The following CRHR1 variants were observed in gnomAD, a reference collection of about 807,000 sequenced individuals.
The protein encoded by CRHR1 is corticotropin releasing hormone receptor 1, also known as corticotropin-releasing hormone receptor 1.
In CRHR1, 28 loss-of-function variants were observed where a neutral mutation model predicts 56.0. That is an observed-to-expected ratio of 0.50 (90% CI 0.37 to 0.69). CRHR1 has a LOEUF of 0.69. CRHR1 is among the 30% of genes least tolerant of loss of function. The pLI is 0.00. For missense variants in CRHR1, 376 were observed against 548.0 expected (o/e 0.69, Z 3.13); for synonymous variants, 195 against 216.5 (o/e 0.90, Z 0.87).
rs1290630342 is a variant in CRHR1, at chr17:45,784,515, A to C, written c.-30A>C. ...TCTGGGATGTCCGTAGGACCCGGGC[A>C]TTCAGGACGGTAGCCGAGCGAGCCC... On this transcript the variant is annotated 5_prime_UTR_variant, in exon 1 of 13. Transcript: ENST00000314537. The surrounding 1 kb of genome is among the most constrained non-coding windows in gnomAD (Gnocchi z 4.2). The C allele has an allele frequency of 4.6e-6, 7 of 1,538,144 alleles. No individual in the cohort carries two copies. In the African/African-American group the frequency reaches 9.9e-5, roughly 22 times the overall value.
intron 2 of CRHR1, among the ~76,000 whole-genome samples, chr17:45,810,814 G>A (rs563295340): frequency 1.3e-5 from 2 of 152,218 alleles, no homozygotes; most frequent in African/African-American, 4.8e-5. Flanking sequence ...CCAAACAGAA[G>A]GCAGCTCAGC....
At chr17:45,834,113 C>A in intron 12 of CRHR1, 65 bp downstream of exon 12, 1 of 1,568,290 alleles carries the variant, frequency 6.4e-7, no homozygotes, top group South Asian at 1.1e-5. Flanking sequence ...TGGCGATTGT[C>A]TAGAGCCTTC....
intron 1 of CRHR1, among the ~76,000 whole-genome samples, chr17:45,786,093 G>T (rs1421566667): frequency 6.6e-6 from 1 of 151,092 alleles, no homozygotes; most frequent in Non-Finnish European, 1.5e-5. Flanking sequence ...CTTTTAAATG[G>T]ATTCAAAGAA....
chr17:45,804,321 G>A (rs1409710942), intron 1 of CRHR1, among the ~76,000 whole-genome samples: 1 of 152,118 alleles, frequency 6.6e-6, no homozygotes, highest in African/African-American at 2.4e-5. Context: ...CCCTATGAGA[G>A]TATCAGCAAG....
intron 1 of CRHR1, among the ~76,000 whole-genome samples, chr17:45,796,527 G>C (rs1355942661): frequency 6.6e-6 from 1 of 151,896 alleles, no homozygotes; most frequent in African/African-American, 2.4e-5. Flanking sequence ...AGGCAGGCAG[G>C]GCAGGCAGGG....
At position 45,830,613 on chromosome 17, in the gene CRHR1, G is replaced by A. The variant is rs765769414; in HGVS notation, c.709+43G>A. On this transcript the variant is annotated intron_variant, in intron 7 of 12. Coordinates refer to ENST00000314537, the MANE Select transcript of CRHR1 (RefSeq NM_004382.5). ...CTCCGCAGCCTGGGCAGTGGCGGCC[G>A]CCGGGCTGCCCTCTCCTCCAGACTC... 2.9e-5 allele frequency: 46 copies of A among 1,564,640 alleles called. No homozygotes were observed. The South Asian group carries it at 3.2e-4, about 11-fold the overall frequency.
chr17:45,811,894 T>C (rs570394175), intron 2 of CRHR1, among the ~76,000 whole-genome samples: 1 of 152,326 alleles, frequency 6.6e-6, no homozygotes, highest in East Asian at 1.9e-4. Context: ...TCCACTAGAA[T>C]GTAAGCACCA....
intron 12 of CRHR1, 129 bp from the exon 13 acceptor site, chr17:45,834,495 A>T: frequency 1.0e-6 from 1 of 1,001,794 alleles, no homozygotes; most frequent in Non-Finnish European, 1.4e-6. Context: ...GTCATCCCCT[A>T]CTGAGGACTT....
At position 45,784,514 on chromosome 17, in the gene CRHR1, C is replaced by T. The variant is rs1187349543; in HGVS notation, c.-31C>T. 6.5e-6 allele frequency: 10 copies of T among 1,534,438 alleles called. No individual in the cohort carries two copies. The highest frequency in any genetic ancestry group is 8.8e-6 in the Non-Finnish European group (10 of 1,139,916). ...CTCTGGGATGTCCGTAGGACCCGGG[C>T]ATTCAGGACGGTAGCCGAGCGAGCC... On this transcript the variant is annotated 5_prime_UTR_variant, in exon 1 of 13. Transcript: ENST00000314537. The surrounding 1 kb of genome is among the most constrained non-coding windows in gnomAD (Gnocchi z 4.2).
chr17:45,820,641 A>G (rs1168509878), intron 3 of CRHR1, among the ~76,000 whole-genome samples: 2 of 152,150 alleles, frequency 1.3e-5, no homozygotes, highest in Admixed American at 6.5e-5. Flanking sequence ...GACCTGAGTG[A>G]TGACATCTCC....
chr17:45,828,186 G>A (rs2062207540), intron 4 of CRHR1, among the ~76,000 whole-genome samples: 1 of 152,210 alleles, frequency 6.6e-6, no homozygotes, highest in South Asian at 2.1e-4. Flanking sequence ...GTGTGGATGG[G>A]GGCTGTGCTC....
intron 1 of CRHR1, among the ~76,000 whole-genome samples, chr17:45,791,470 G>A (rs2061424176): frequency 6.6e-6 from 1 of 152,124 alleles, no homozygotes; most frequent in Non-Finnish European, 1.5e-5. Context: ...CAAAAGGGGA[G>A]GGAGAAGAAA....
intron 1 of CRHR1, among the ~76,000 whole-genome samples, chr17:45,801,598 C>T (rs1184996909): frequency 6.6e-6 from 1 of 152,180 alleles, no homozygotes; most frequent in Non-Finnish European, 1.5e-5. Context: ...AGGCTGTGCA[C>T]GGAAGTGAGG....
chr17:45,830,385 A>T (rs1473952405), intron 6 of CRHR1, 32 bp from the exon 7 acceptor site: 1 of 1,590,950 alleles, frequency 6.3e-7, no homozygotes, highest in Non-Finnish European at 8.6e-7. Flanking sequence ...CCTGCCCCCC[A>T]TCATCATCTC....
At chr17:45,832,993 A>T in intron 8 of CRHR1, 145 bp from the exon 9 acceptor site, 1 of 720,246 alleles carries the variant, frequency 1.4e-6, no homozygotes, top group Non-Finnish European at 2.5e-6. Flanking sequence ...GGATCAAGTG[A>T]CTTGACCTTC....
intron 2 of CRHR1, among the ~76,000 whole-genome samples, chr17:45,813,319 C>T (rs1210315384): frequency 6.6e-6 from 1 of 152,142 alleles, no homozygotes. Context: ...ACCCCCCCAC[C>T]CCAAGCCCCT....
At chr17:45,829,885 G>A (rs1382521447) in intron 5 of CRHR1, among the ~76,000 whole-genome samples, 1 of 152,100 alleles carries the variant, frequency 6.6e-6, no homozygotes, top group Non-Finnish European at 1.5e-5. Context: ...CTCTGCCTGG[G>A]GCTTATGTCT....
intron 3 of CRHR1, among the ~76,000 whole-genome samples, chr17:45,819,810 C>T (rs1447570362): frequency 6.6e-6 from 1 of 152,156 alleles, no homozygotes; most frequent in Non-Finnish European, 1.5e-5. Context: ...AGCAGGGGGA[C>T]CAGGGAGGGG....
intron 3 of CRHR1, among the ~76,000 whole-genome samples, chr17:45,820,168 G>A (rs1409581464): frequency 6.6e-6 from 1 of 152,212 alleles, no homozygotes; most frequent in Non-Finnish European, 1.5e-5. Context: ...CCACAGGAAG[G>A]CCTACAGTGA....
Sources: gnomAD v4.1 joint callset for allele counts (sites outside exome capture counted in the v4.1 genomes callset) on GRCh38, gnomAD v4.1.1 for gene constraint, Gnocchi (gnomAD v3.1) non-coding constraint, MANE v1.5 for transcripts, NCBI Gene and HGNC (gene_info 2026-07-23, HGNC 2026-07-21) for gene names.